Variants in SOBP observed in about 807,000 individuals in gnomAD.
The protein encoded by SOBP is sine oculis binding protein homolog, also known as sine oculis-binding protein homolog.
SOBP carries 4 observed loss-of-function variants against 53.6 expected under a neutral mutation model. The ratio of observed to expected loss-of-function variants is 0.07; its 90% CI spans 0.04 to 0.17. The LOEUF (loss-of-function observed/expected upper bound fraction) is 0.17. SOBP is among the 10% of genes least tolerant of loss of function. SOBP has a pLI of 1.00. For synonymous variants in SOBP, 584 were observed against 522.6 expected (o/e 1.12, Z -1.60); for missense variants, 1,088 against 1,204.7 (o/e 0.90, Z 1.43).
intron 4 of SOBP, among the ~76,000 whole-genome samples, chr6:107,546,947 G>A (rs758875725): frequency 1.4e-4 from 21 of 152,250 alleles, no homozygotes; most frequent in African/African-American, 4.8e-4. Context: ...CCTGGGGAAG[G>A]AGTGGATGAT....
rs752974044 is a variant in SOBP at position 107,494,072 on chromosome 6, C to CT, written c.96+3363dup. ...TCTCACTATGACCTTTACAGTGTTT[C>CT]TTTATCTTTCCTTTTCTTCTTCCCT... On this transcript the variant is annotated intron_variant, in intron 1 of 6. Transcript: ENST00000317357. Among the ~76,000 whole-genome samples the CT allele has an allele frequency of 4.7e-4, 71 of 152,302 alleles. 1 individual carries two copies. Among genetic ancestry groups the CT allele is most frequent in the Middle Eastern group, 3.4e-3 (1 of 294 alleles).
intron 4 of SOBP, among the ~76,000 whole-genome samples, chr6:107,584,828 T>C: frequency 6.6e-6 from 1 of 151,894 alleles, no homozygotes; most frequent in East Asian, 1.9e-4. Context: ...AAAAAAAACA[T>C]TGTGTGCACC....
chr6:107,490,498 C>T lies in SOBP; in HGVS notation c.-119C>T. ...GCGGCTCGGTCCGGCCCCGCCAGCA[C>T]CGCTACCTCCGCCAGCCTCGCCACC... On this transcript the variant is annotated 5_prime_UTR_variant, in exon 1 of 7. Coordinates refer to ENST00000317357, the MANE Select transcript of SOBP (RefSeq NM_018013.4). 3 of 743,010 alleles carry T rather than the reference C, an allele frequency of 4.0e-6. No individual in the cohort carries two copies. The highest frequency in any genetic ancestry group is 7.0e-6 in the Non-Finnish European group (3 of 427,314). The allele number at this position is 743,010 out of a possible 1,614,324, so 46.0% of individuals were successfully genotyped here.
intron 4 of SOBP, among the ~76,000 whole-genome samples, chr6:107,535,791 T>G (rs1490594985): frequency 1.3e-5 from 2 of 152,174 alleles, no homozygotes; most frequent in African/African-American, 2.4e-5. Context: ...TAGGATTTTG[T>G]GGTCATTTCA....
At chr6:107,547,487 C>T (rs892227149) in intron 4 of SOBP, among the ~76,000 whole-genome samples, 10 of 152,224 alleles carry the variant, frequency 6.6e-5, no homozygotes, top group South Asian at 6.2e-4. Context: ...AAAAGGCTAA[C>T]GCTGAACTTT....
intron 4 of SOBP, among the ~76,000 whole-genome samples, chr6:107,584,504 A>G (rs904645668): frequency 3.3e-5 from 5 of 152,168 alleles, no homozygotes; most frequent in Non-Finnish European, 5.9e-5. Context: ...TTTCTGTGGC[A>G]TGTAGTGGAA....
intron 5 of SOBP, among the ~76,000 whole-genome samples, chr6:107,612,295 G>C (rs1165426334): frequency 2.6e-5 from 4 of 152,340 alleles, no homozygotes; most frequent in Non-Finnish European, 4.4e-5. Flanking sequence ...AGGTCAGTCT[G>C]AGTGCAGAAT....
In SOBP at chr6:107,655,750, G is replaced by A. The variant is rs3800211; in HGVS notation, c.*4-2457G>A. 2.6e-5 allele frequency among the ~76,000 whole-genome samples: 4 copies of A among 152,250 alleles called. No individual in the cohort carries two copies. The East Asian group carries it at 7.7e-4, about 29-fold the overall frequency. On this transcript the variant is annotated intron_variant, in intron 6 of 6. Coordinates refer to ENST00000317357, the MANE Select transcript of SOBP (RefSeq NM_018013.4). ...CCAGAATGGCTCTTATTATAATCCC[G>A]TTTTACCGAGTCTCTTGTGAAAGCC...
At chr6:107,617,172 T>G in intron 5 of SOBP, among the ~76,000 whole-genome samples, 1 of 152,174 alleles carries the variant, frequency 6.6e-6, no homozygotes, top group East Asian at 1.9e-4. Context: ...CTTTTGAATT[T>G]TATGCTGGAG....
intron 6 of SOBP, among the ~76,000 whole-genome samples, chr6:107,650,758 C>T (rs1168611650): frequency 1.3e-5 from 2 of 152,150 alleles, no homozygotes; most frequent in Non-Finnish European, 2.9e-5. Context: ...GTTAATAATT[C>T]TATGATGGCC....
chr6:107,605,925 A>AG (rs1219977637), intron 5 of SOBP, among the ~76,000 whole-genome samples: 2 of 152,154 alleles, frequency 1.3e-5, no homozygotes, highest in African/African-American at 2.4e-5. Context: ...GCTATAGGCT[A>AG]GGGGGTGATG....
At chr6:107,564,445 C>T (rs1056732522) in intron 4 of SOBP, among the ~76,000 whole-genome samples, 6 of 152,204 alleles carry the variant, frequency 3.9e-5, no homozygotes, top group East Asian at 1.9e-4. Context: ...TAACATTTGT[C>T]GTTACACATG....
chr6:107,495,805 C>G (rs1216906996), intron 1 of SOBP, among the ~76,000 whole-genome samples: 1 of 152,030 alleles, frequency 6.6e-6, no homozygotes, highest in Non-Finnish European at 1.5e-5. Flanking sequence ...ATATAAAATT[C>G]CCTTTTATTT....
In SOBP at chr6:107,503,793, A is replaced by G. The variant is rs1204455221; in HGVS notation, c.233A>G (p.Lys78Arg). 2.1e-5 allele frequency: 34 copies of G among 1,613,880 alleles called. No homozygotes were observed. The highest frequency in any genetic ancestry group is 2.8e-5 in the Non-Finnish European group (33 of 1,180,020). Residue 78 changes from lysine (K) to arginine (R), a missense_variant and splice_region_variant, in exon 2 of 7, where the codon AAA becomes AGA. Lys to Arg is a conservative substitution (Grantham distance 26, BLOSUM62 2). Coordinates refer to ENST00000317357, the MANE Select transcript of SOBP (RefSeq NM_018013.4). ...AGCCGGCAGCACATTTCTGTTCTCA[A>G]AGGTAATGACATTTAATGTCCTTTT... The part of the protein sequence containing the change: ...GESRQHISVL[K>R]ENSLPKPKLP...
chr6:107,615,915 A>G (rs1786765059), intron 5 of SOBP, among the ~76,000 whole-genome samples: 1 of 151,712 alleles, frequency 6.6e-6, no homozygotes, highest in African/African-American at 2.4e-5. Context: ...CCAGCTACTC[A>G]AGAGGCTGGG....
chr6:107,499,508 C>T (rs1562572820), intron 1 of SOBP, among the ~76,000 whole-genome samples: 1 of 152,086 alleles, frequency 6.6e-6, no homozygotes, highest in Non-Finnish European at 1.5e-5. Context: ...GTGTCACTTC[C>T]AAGGGCAAGA....
At position 107,613,600 on chromosome 6, in the gene SOBP, T is replaced by G. The variant is rs115937843; in HGVS notation, c.670-19914T>G. Among the ~76,000 whole-genome samples the G allele has an allele frequency of 4.5e-3, 678 of 152,346 alleles. 6 individuals are homozygous for G. Among genetic ancestry groups the G allele is most frequent in the African/African-American group, 0.016 (651 of 41,564 alleles). ...AGGAGAAAGAAAAAATTGTTTGTTA[T>G]AAGTTCACAGATACTTGGCTTATGT... On this transcript the variant is annotated intron_variant, in intron 5 of 6. Transcript: ENST00000317357.
intron 5 of SOBP, among the ~76,000 whole-genome samples, chr6:107,596,489 C>T (rs1785952040): frequency 6.6e-6 from 1 of 152,168 alleles, no homozygotes; most frequent in Non-Finnish European, 1.5e-5. Flanking sequence ...AGAGGTTGGC[C>T]TCTGGCTATC....
At chr6:107,563,971 A>G (rs1248097987) in intron 4 of SOBP, among the ~76,000 whole-genome samples, 1 of 152,190 alleles carries the variant, frequency 6.6e-6, no homozygotes, top group Non-Finnish European at 1.5e-5. Context: ...AGGAACTAGT[A>G]TCCATTTTTG....
Sources: allele counts gnomAD v4.1 joint callset (sites outside exome capture counted in the v4.1 genomes callset), GRCh38; gene constraint gnomAD v4.1.1; transcripts MANE v1.5; gene names NCBI Gene and HGNC (gene_info 2026-07-23, HGNC 2026-07-21).